The following HPSE2 variants were observed in gnomAD, a reference collection of about 807,000 sequenced individuals.
HPSE2 encodes heparanase 2 (inactive).
In HPSE2, 38 loss-of-function variants were observed where a neutral mutation model predicts 60.5. The ratio of observed to expected loss-of-function variants is 0.63; its 90% CI spans 0.48 to 0.82. The LOEUF (loss-of-function observed/expected upper bound fraction) is 0.82, where lower values mean the gene tolerates loss of function less well. HPSE2 is among the 40% of genes least tolerant of loss of function. The probability of loss-of-function intolerance (pLI) is 0.00; values close to 1 mark genes in which losing one functional copy is unlikely to be tolerated. For synonymous variants in HPSE2, 295 were observed against 293.2 expected, an observed-to-expected ratio of 1.01 and a Z score of -0.06; for missense variants, 713 against 740.4, an observed-to-expected ratio of 0.96 and a Z score of 0.43.
intron 5 of HPSE2, among the ~76,000 whole-genome samples, chr10:98,711,483 G>A (rs554915086): frequency 1.3e-5 from 2 of 152,196 alleles, no homozygotes; most frequent in African/African-American, 4.8e-5. Context: ...TGAATAGCAA[G>A]AGCATGGGCC....
chr10:98,802,488 A>C (rs1179087578), intron 3 of HPSE2, among the ~76,000 whole-genome samples: 4 of 105,844 alleles, frequency 3.8e-5, no homozygotes, highest in African/African-American at 1.1e-4. Context: ...ACCCCACAAC[A>C]GTCCCCAGAG....
intron 4 of HPSE2, among the ~76,000 whole-genome samples, chr10:98,737,686 C>A (rs544447510): frequency 6.6e-6 from 1 of 152,168 alleles, no homozygotes; most frequent in Non-Finnish European, 1.5e-5. Flanking sequence ...CAATAATACA[C>A]AAACACAGAG....
intron 2 of HPSE2, among the ~76,000 whole-genome samples, chr10:99,184,522 C>CCAAAAAAAAAAAAAAAAA (rs1847899081): frequency 1.6e-5 from 1 of 60,788 alleles, no homozygotes; most frequent in African/African-American, 1.2e-4. Context: ...GAGACTGTCT[C>CCAAAAAAAAAAAAAAAAA]AAAAAAAAAA....
intron 3 of HPSE2, among the ~76,000 whole-genome samples, chr10:99,103,324 T>G (rs1489445562): frequency 6.6e-6 from 1 of 152,142 alleles, no homozygotes; most frequent in Middle Eastern, 3.2e-3. Context: ...TCACAAGCAT[T>G]CTTATACACC....
the HPSE2 span, among the ~76,000 whole-genome samples, chr10:99,294,165 C>T: frequency 2.0e-5 from 3 of 151,816 alleles, no homozygotes; most frequent in African/African-American, 7.3e-5. Context: ...TAAATTAACA[C>T]ATCTTAACAC....
intron 3 of HPSE2, among the ~76,000 whole-genome samples, chr10:99,005,963 G>A (rs758736750): frequency 2.5e-4 from 38 of 152,106 alleles, no homozygotes; most frequent in African/African-American, 6.0e-4. Context: ...CTGGTTCCAC[G>A]GGGTTAAGCC....
intron 2 of HPSE2, among the ~76,000 whole-genome samples, chr10:99,159,116 A>G (rs1183556158): frequency 6.6e-6 from 1 of 152,152 alleles, no homozygotes; most frequent in Non-Finnish European, 1.5e-5. Flanking sequence ...CTAGAAAAAT[A>G]AGAAAATTTT....
intron 3 of HPSE2, among the ~76,000 whole-genome samples, chr10:99,121,941 C>T: frequency 6.6e-6 from 1 of 151,840 alleles, no homozygotes; most frequent in South Asian, 2.1e-4. Flanking sequence ...TCTAAGGTAG[C>T]CATTAAAAAT....
chr10:98,972,814 G>A (rs943373900), intron 3 of HPSE2, among the ~76,000 whole-genome samples: 1 of 152,178 alleles, frequency 6.6e-6, no homozygotes, highest in African/African-American at 2.4e-5. Flanking sequence ...AATCAGCAAC[G>A]CATAAAGCAT....
chr10:98,779,996 T>C (rs1950428397), intron 3 of HPSE2, among the ~76,000 whole-genome samples: 1 of 152,154 alleles, frequency 6.6e-6, no homozygotes. Flanking sequence ...TATATTTTTT[T>C]CTCCTTCAAG....
At position 99,184,809 on chromosome 10, in the gene HPSE2, TATATATATATAGAGAGAGAGAGAG is replaced by T. The variant is rs1247610315; in HGVS notation, c.449-40434_449-40411del. On this transcript the variant is annotated intron_variant, in intron 2 of 11. Coordinates refer to ENST00000370552, the MANE Select transcript of HPSE2 (RefSeq NM_021828.5). ...AATTATATATATATATATATATATA[TATATATATATAGAGAGAGAGAGAG>T]AGAGAGAGAGAGAGAGAGAGAGAGA... 2.3e-3 allele frequency among the ~76,000 whole-genome samples: 89 copies of T among 38,040 alleles called. 1 individual carries two copies. Among genetic ancestry groups the T allele is most frequent in the Admixed American group, 4.4e-3 (12 of 2,756 alleles). The allele number at this position is 38,040 out of a possible 152,430, so 25.0% of individuals were successfully genotyped here. A position where few individuals can be genotyped will look rare whatever the true frequency, so the allele number is the denominator to read the frequency against.
At chr10:99,110,579 G>T (rs1459949702) in intron 3 of HPSE2, among the ~76,000 whole-genome samples, 1 of 152,024 alleles carries the variant, frequency 6.6e-6, no homozygotes, top group Admixed American at 6.6e-5. Flanking sequence ...AGAGTAAATA[G>T]AAATTGGCCA....
At chr10:98,754,519 G>A (rs2134364922) in intron 3 of HPSE2, among the ~76,000 whole-genome samples, 1 of 151,698 alleles carries the variant, frequency 6.6e-6, no homozygotes, top group South Asian at 2.1e-4. Flanking sequence ...ACCCCTGTAA[G>A]ATACTATCCA....
intron 5 of HPSE2, among the ~76,000 whole-genome samples, chr10:98,709,598 T>C (rs140085317): frequency 6.6e-6 from 1 of 152,264 alleles, no homozygotes; most frequent in East Asian, 1.9e-4. Flanking sequence ...GACATTTCGG[T>C]ATTTGGGGGC....
intron 5 of HPSE2, among the ~76,000 whole-genome samples, chr10:98,718,768 T>C (rs1028607591): frequency 3.3e-5 from 5 of 151,924 alleles, no homozygotes; most frequent in African/African-American, 1.2e-4. Context: ...GAATTGGTGG[T>C]AACCAGAGGC....
chr10:98,554,741 GA>G (rs1205576083), intron 9 of HPSE2, among the ~76,000 whole-genome samples: 1 of 152,174 alleles, frequency 6.6e-6, no homozygotes, highest in Non-Finnish European at 1.5e-5. Context: ...GTTGCCCTTA[GA>G]AAGCACACTA....
At chr10:98,993,062 C>T (rs899744070) in intron 3 of HPSE2, among the ~76,000 whole-genome samples, 50 of 152,146 alleles carry the variant, frequency 3.3e-4, no homozygotes, top group Non-Finnish European at 4.7e-4. Context: ...ATTAAGTTAG[C>T]GCCATGGTCC....
intron 4 of HPSE2, among the ~76,000 whole-genome samples, chr10:98,723,880 G>A (rs7903724): frequency 0.022 from 3,282 of 151,916 alleles, 93 homozygotes; most frequent in African/African-American, 0.075. Flanking sequence ...TCTTGCTAGC[G>A]GTCTATCAAT....
At chr10:98,805,189 T>C (rs1441033296) in intron 3 of HPSE2, among the ~76,000 whole-genome samples, 1 of 152,152 alleles carries the variant, frequency 6.6e-6, no homozygotes, top group Non-Finnish European at 1.5e-5. Flanking sequence ...AACCCATTTA[T>C]GCCCAGTGTT....
Sources: gnomAD v4.1 joint callset for allele counts (sites outside exome capture counted in the v4.1 genomes callset) on GRCh38, gnomAD v4.1.1 for gene constraint, MANE v1.5 for transcripts, NCBI Gene and HGNC (gene_info 2026-07-23, HGNC 2026-07-21) for gene names.